Variants in FHIT observed in about 807,000 individuals in gnomAD.
FHIT encodes the protein fragile histidine triad diadenosine triphosphatase.
FHIT carries 19 observed loss-of-function variants against 17.9 expected under a neutral mutation model. The ratio of observed to expected loss-of-function variants is 1.06; its 90% CI spans 0.74 to 1.56. The LOEUF (loss-of-function observed/expected upper bound fraction) is 1.56, where lower values mean the gene tolerates loss of function less well. Among genes scored for constraint, FHIT ranks in the 40% most tolerant of loss-of-function variants. The probability of loss-of-function intolerance (pLI) is 0.00; values close to 1 mark genes in which losing one functional copy is unlikely to be tolerated. For synonymous variants in FHIT, 81 were observed against 69.7 expected (o/e 1.16, Z -0.81); for missense variants, 248 against 189.2 (o/e 1.31, Z -1.82).
intron 3 of FHIT, among the ~76,000 whole-genome samples, chr3:60,901,886 T>G (rs1706131903): frequency 6.6e-6 from 1 of 152,206 alleles, no homozygotes; most frequent in Non-Finnish European, 1.5e-5. Context: ...TTCCATAAGC[T>G]AGGAATACGT....
intron 3 of FHIT, among the ~76,000 whole-genome samples, chr3:60,950,484 T>G (rs9864060): frequency 7.3e-6 from 1 of 136,062 alleles, no homozygotes; most frequent in Non-Finnish European, 1.6e-5. Flanking sequence ...GGCTTTTTTT[T>G]CTTTTTTTTT....
At chr3:60,740,230 T>A (rs2042214612) in intron 4 of FHIT, among the ~76,000 whole-genome samples, 1 of 152,180 alleles carries the variant, frequency 6.6e-6, no homozygotes, top group Non-Finnish European at 1.5e-5. Context: ...TGAGGTGGTT[T>A]AGCCTAAGAG....
At chr3:60,560,036 C>T (rs991825179) in intron 4 of FHIT, among the ~76,000 whole-genome samples, 2 of 151,986 alleles carry the variant, frequency 1.3e-5, no homozygotes, top group Non-Finnish European at 2.9e-5. Context: ...AGCTTCAGAT[C>T]ATAGCTAATA....
At chr3:60,130,593 C>T (rs1302233009) in intron 5 of FHIT, among the ~76,000 whole-genome samples, 1 of 151,964 alleles carries the variant, frequency 6.6e-6, no homozygotes, top group African/African-American at 2.4e-5. Flanking sequence ...AAAATGAAAA[C>T]ACTGGGCATG....
At chr3:60,981,680 C>T (rs1320948625) in intron 3 of FHIT, among the ~76,000 whole-genome samples, 1 of 152,054 alleles carries the variant, frequency 6.6e-6, no homozygotes, top group Non-Finnish European at 1.5e-5. Flanking sequence ...ATGATCATAG[C>T]ACACTGTAGC....
At chr3:59,906,301 A>C (rs372640195) in intron 8 of FHIT, among the ~76,000 whole-genome samples, 148 of 152,322 alleles carry the variant, frequency 9.7e-4, no homozygotes, top group African/African-American at 3.3e-3. Flanking sequence ...CTAGACTTCA[A>C]GGGCATTCTT....
In FHIT at chr3:60,129,042, C is replaced by CTTTTT. The variant is rs1360333142; in HGVS notation, c.104-114895_104-114891dup. Among the ~76,000 whole-genome samples, 359 of 112,858 alleles carry CTTTTT rather than the reference C, an allele frequency of 3.2e-3. 6 individuals are homozygous for CTTTTT. Among genetic ancestry groups the CTTTTT allele is most frequent in the African/African-American group, 0.011 (334 of 29,238 alleles). The allele number at this position is 112,858 out of a possible 152,430, so 74.0% of individuals were successfully genotyped here. ...ACTTAATTTTCCCTTTTCTTCTTTC[C>CTTTTT]TTTTTTGTTTGTTTTTTTTTTTTTT... On this transcript the variant is annotated intron_variant, in intron 5 of 9. Coordinates refer to ENST00000492590, the MANE Select transcript of FHIT (RefSeq NM_002012.4).
intron 8 of FHIT, among the ~76,000 whole-genome samples, chr3:59,906,372 C>G (rs1575674906): frequency 6.6e-6 from 1 of 152,254 alleles, no homozygotes; most frequent in East Asian, 1.9e-4. Flanking sequence ...CATTTTTAAG[C>G]TATCTGTGTA....
intron 4 of FHIT, among the ~76,000 whole-genome samples, chr3:60,724,119 T>C (rs1553708764): frequency 6.6e-6 from 1 of 152,194 alleles, no homozygotes; most frequent in Admixed American, 6.5e-5. Flanking sequence ...AGAAACCCTA[T>C]ATCCATTTAC....
At chr3:60,538,982 T>A (rs973781414) in intron 4 of FHIT, among the ~76,000 whole-genome samples, 88 of 152,050 alleles carry the variant, frequency 5.8e-4, no homozygotes, top group African/African-American at 2.1e-3. Flanking sequence ...AGCAAAAGAA[T>A]CTACCATCAG....
chr3:60,768,041 T>C (rs1386401421), intron 4 of FHIT, among the ~76,000 whole-genome samples: 1 of 152,202 alleles, frequency 6.6e-6, no homozygotes, highest in Non-Finnish European at 1.5e-5. Flanking sequence ...AAGCCTACTT[T>C]ACAGACAACA....
At chr3:61,215,931 T>C (rs2039659680) in intron 1 of FHIT, among the ~76,000 whole-genome samples, 1 of 152,146 alleles carries the variant, frequency 6.6e-6, no homozygotes, top group Non-Finnish European at 1.5e-5. Context: ...CTGGGAAAAC[T>C]AGCTAGCCAT....
intron 3 of FHIT, among the ~76,000 whole-genome samples, chr3:60,894,473 A>G (rs904860203): frequency 3.3e-5 from 5 of 152,104 alleles, no homozygotes; most frequent in African/African-American, 4.8e-5. Flanking sequence ...GCAATGGGTG[A>G]AAGGATTTTT....
At position 60,859,723 on chromosome 3, in the gene FHIT, A is replaced by ATTTTTTTTTTTTTTTTTTTTTT. The variant is rs71092647; in HGVS notation, c.-110-37734_-110-37713dup. Among the ~76,000 whole-genome samples, 9 of 51,926 alleles carry ATTTTTTTTTTTTTTTTTTTTTT rather than the reference A, an allele frequency of 1.7e-4. 1 individual carries two copies. The highest frequency in any genetic ancestry group is 2.3e-4 in the African/African-American group (3 of 13,222). 34.1% of individuals were successfully genotyped at this position (51,926 alleles called of 152,430 possible). Reference sequence around the variant, plus strand: ...ACATTTGCAGTGGATTCTGAATACGATTTTTTTTTTTTTTTTTTTTTTTTT... The same window carrying ATTTTTTTTTTTTTTTTTTTTTT: ...ACATTTGCAGTGGATTCTGAATACGATTTTTTTTTTTTTTTTTTTTTTTTTTTTTTTTTTTTTTTTTTTTTTT... On this transcript the variant is annotated intron_variant, in intron 3 of 9. Coordinates refer to ENST00000492590, the MANE Select transcript of FHIT (RefSeq NM_002012.4).
In FHIT at chr3:60,303,512, C is replaced by A. The variant is rs9867576; in HGVS notation, c.103+233348G>T. On this transcript the variant is annotated intron_variant, in intron 5 of 9. Coordinates refer to ENST00000492590, the MANE Select transcript of FHIT (RefSeq NM_002012.4). ...TCTGAGCCCTCTCCCGTTGCTGGAC[C>A]CATGGAAGACCATTTCCAGAGCCTT... Among the ~76,000 whole-genome samples, 1,254 of 152,262 alleles carry A rather than the reference C, an allele frequency of 8.2e-3. 19 individuals are homozygous for A. Among genetic ancestry groups the A allele is most frequent in the African/African-American group, 0.029 (1,186 of 41,560 alleles).
intron 3 of FHIT, among the ~76,000 whole-genome samples, chr3:60,880,965 C>T (rs1704947557): frequency 6.6e-6 from 1 of 152,058 alleles, no homozygotes; most frequent in South Asian, 2.1e-4. Context: ...AGAATAAATT[C>T]CCCACTTAAA....
intron 4 of FHIT, among the ~76,000 whole-genome samples, chr3:60,784,984 T>A (rs782133205): frequency 1.1e-4 from 17 of 152,152 alleles, no homozygotes; most frequent in Admixed American, 2.0e-4. Flanking sequence ...CTGTTGTTTA[T>A]GAGCCACCTG....
At chr3:60,121,704 AAACAAACAC>A (rs1705258321) in intron 5 of FHIT, among the ~76,000 whole-genome samples, 1 of 53,548 alleles carries the variant, frequency 1.9e-5, no homozygotes, top group Non-Finnish European at 3.7e-5. Context: ...CAAACAAACA[AAACAAACAC>A]ACACACACAC....
intron 3 of FHIT, among the ~76,000 whole-genome samples, chr3:60,893,766 C>T (rs1259257841): frequency 6.6e-6 from 1 of 152,200 alleles, no homozygotes; most frequent in African/African-American, 2.4e-5. Flanking sequence ...AGGCCATGCC[C>T]ATCTGGGAAA....
Sources: gnomAD v4.1 joint callset for allele counts (sites outside exome capture counted in the v4.1 genomes callset) on GRCh38, gnomAD v4.1.1 for gene constraint, MANE v1.5 for transcripts, NCBI Gene and HGNC (gene_info 2026-07-23, HGNC 2026-07-21) for gene names.